Variants in TTC19 observed in about 807,000 individuals in gnomAD.
The protein encoded by TTC19 is tetratricopeptide repeat domain 19.
Under a neutral mutation model 49.5 loss-of-function variants are expected in TTC19, and 38 were observed. The ratio of observed to expected loss-of-function variants is 0.77; its 90% CI spans 0.59 to 1.01. TTC19 has a LOEUF of 1.01. Among genes scored for constraint, TTC19 ranks in the 50% least tolerant of loss-of-function variants. TTC19 has a pLI of 0.00. For synonymous variants in TTC19, 204 were observed against 185.2 expected, an observed-to-expected ratio of 1.10 and a Z score of -0.83; for missense variants, 475 against 477.7, an observed-to-expected ratio of 0.99 and a Z score of 0.05.
In TTC19 at chr17:16,026,471, T is replaced by C. The variant is rs567636278; in HGVS notation, c.832-69T>C. On this transcript the variant is annotated intron_variant, in intron 8 of 9. Coordinates refer to ENST00000261647, the MANE Select transcript of TTC19 (RefSeq NM_017775.4). ...GAAATCTTATGTATTCAGAGTTGGA[T>C]GCACTCCACATTAAAGTTCTGTGAA... 2.4e-3 allele frequency: 3,366 copies of C among 1,407,972 alleles called. 6 individuals are homozygous for C. The highest frequency in any genetic ancestry group is 2.6e-3 in the Non-Finnish European group (2,643 of 1,007,088). The allele number at this position is 1,407,972 out of a possible 1,614,324, so 87.2% of individuals were successfully genotyped here.
intron 4 of TTC19, among the ~76,000 whole-genome samples, chr17:16,003,350 A>G (rs1970798153): frequency 6.6e-6 from 1 of 152,132 alleles, no homozygotes; most frequent in South Asian, 2.1e-4. Context: ...TGCCAGGCTC[A>G]GTTGATCCTC....
intron 7 of TTC19, among the ~76,000 whole-genome samples, chr17:16,021,873 A>G (rs1971395107): frequency 6.6e-6 from 1 of 152,208 alleles, no homozygotes; most frequent in African/African-American, 2.4e-5. Flanking sequence ...GTGAGATTCC[A>G]GAATAGTTTT....
In TTC19 at chr17:16,026,766, T is replaced by C; in HGVS notation, c.994+64T>C. The stretch of plus-strand genomic sequence containing the variant: ...GAGGGATGTCACTGGATTGATAGAT[T>C]TGTGAAGTGGTATGTAGGGAGGGCA... On this transcript the variant is annotated intron_variant, in intron 9 of 9. Coordinates refer to ENST00000261647, the MANE Select transcript of TTC19 (RefSeq NM_017775.4). The C allele has an allele frequency of 2.5e-6, 4 of 1,573,464 alleles. No individual in the cohort carries two copies. In the South Asian group the frequency reaches 4.5e-5, roughly 18 times the overall value.
intron 7 of TTC19, among the ~76,000 whole-genome samples, chr17:16,019,092 AGAAGCCGG>A (rs1357919343): frequency 1.3e-5 from 2 of 152,056 alleles, no homozygotes; most frequent in African/African-American, 4.8e-5. Context: ...CAGCACTTTG[AGAAGCCGG>A]GACAGGTGGA....
At chr17:16,027,289 A>C in intron 9 of TTC19, 85 bp from the exon 10 acceptor site, 1 of 1,508,294 alleles carries the variant, frequency 6.6e-7, no homozygotes, top group Non-Finnish European at 9.2e-7. Context: ...AATTAGCCCT[A>C]TATCTGCATT....
At chr17:16,017,123 T>C (rs938290479) in intron 7 of TTC19, among the ~76,000 whole-genome samples, 4 of 152,206 alleles carry the variant, frequency 2.6e-5, no homozygotes, top group African/African-American at 9.7e-5. Context: ...CTATTTAAGG[T>C]ATTTGTTACG....
intron 7 of TTC19, among the ~76,000 whole-genome samples, chr17:16,006,894 A>G (rs1020964602): frequency 4.6e-5 from 7 of 152,196 alleles, no homozygotes; most frequent in African/African-American, 1.4e-4. Context: ...TCAGCTACCA[A>G]TCAAAATGCT....
chr17:16,010,167 ATTTTTTT>A (rs1201745186), intron 7 of TTC19, among the ~76,000 whole-genome samples: 7 of 108,212 alleles, frequency 6.5e-5, no homozygotes, highest in East Asian at 2.6e-4. Flanking sequence ...TTAATTTTTA[ATTTTTTT>A]TTTTTTTTTT....
chr17:16,016,173 G>A (rs553519652), intron 7 of TTC19, among the ~76,000 whole-genome samples: 2 of 152,238 alleles, frequency 1.3e-5, no homozygotes, highest in Admixed American at 1.3e-4. Context: ...ATAAGCTTTA[G>A]CTGCATCTCA....
intron 2 of TTC19, among the ~76,000 whole-genome samples, chr17:16,035,530 CTTTT>C (rs966987249): frequency 1.7e-5 from 2 of 118,328 alleles, no homozygotes; most frequent in Non-Finnish European, 3.6e-5. Context: ...TTCTCTTGTT[CTTTT>C]TTTTTTTTTT....
chr17:16,032,068 T>C (rs1972109562), downstream of TTC19: 3 of 495,466 alleles, frequency 6.1e-6, no homozygotes, highest in South Asian at 5.7e-5. Context: ...TCCACTATTA[T>C]TATAGTCCAC....
Position 16,000,100 on chromosome 17 carries a change from C to G in TTC19, c.185-18C>G. On this transcript the variant is annotated intron_variant, in intron 1 of 9. Coordinates refer to ENST00000261647, the MANE Select transcript of TTC19 (RefSeq NM_017775.4). Reference sequence around the variant, plus strand: ...GGGCGCGGGCCGGGCCCGATGACCTCAGAGCCCCTTCCCGCAGCGCTCGCC... The same window carrying G: ...GGGCGCGGGCCGGGCCCGATGACCTGAGAGCCCCTTCCCGCAGCGCTCGCC... The G allele has an allele frequency of 1.3e-6, 2 of 1,521,112 alleles. No individual in the cohort carries two copies. The highest frequency in any genetic ancestry group is 1.8e-6 in the Non-Finnish European group (2 of 1,140,600). 94.2% of individuals were successfully genotyped at this position (1,521,112 alleles called of 1,614,324 possible).
In TTC19 at chr17:16,028,840, A is replaced by AAAAAAAAAAAC; in HGVS notation, c.*1324_*1325insAAAACAAAAAA. 3 of 378,652 alleles carry AAAAAAAAAAAC rather than the reference A, an allele frequency of 7.9e-6. No homozygotes were observed. Among genetic ancestry groups the AAAAAAAAAAAC allele is most frequent in the Non-Finnish European group, 1.5e-5 (3 of 197,846 alleles). The allele number at this position is 378,652 out of a possible 1,614,324, so 23.5% of individuals were successfully genotyped here. On this transcript the variant is annotated 3_prime_UTR_variant, in exon 10 of 10. Transcript: ENST00000261647. Reference sequence around the variant, plus strand: ...TCTCAAAAAAAAAAAAAAAAAAAAAAAAAAAACTTTCTGAAGAAAATAAAA... The same window carrying AAAAAAAAAAAC: ...TCTCAAAAAAAAAAAAAAAAAAAAAAAAAAAAAAAACAAAAAACTTTCTGAAGAAAATAAAA...
At chr17:16,038,575 C>T (rs911169313) in intron 2 of TTC19, among the ~76,000 whole-genome samples, 11 of 151,836 alleles carry the variant, frequency 7.2e-5, no homozygotes, top group Non-Finnish European at 1.0e-4. Context: ...GTAACTGGGA[C>T]TACAGCGTGA....
At position 16,028,449 on chromosome 17, in the gene TTC19, C is replaced by CTA. The variant is rs1206058937; in HGVS notation, c.*928_*929dup. The CTA allele has an allele frequency of 2.2e-6, 1 of 453,932 alleles. No homozygotes were observed. Among genetic ancestry groups the CTA allele is most frequent in the Non-Finnish European group, 4.4e-6 (1 of 226,782 alleles). 28.1% of individuals were successfully genotyped at this position (453,932 alleles called of 1,614,324 possible). A position where few individuals can be genotyped will look rare whatever the true frequency, so the allele number is the denominator to read the frequency against. ...TTTTGCAATTTCAGTATCTTCATCT[C>CTA]TAAACTAGGGAAACACTGGGATTCT... On this transcript the variant is annotated 3_prime_UTR_variant, in exon 10 of 10. Transcript: ENST00000261647.
intron 7 of TTC19, among the ~76,000 whole-genome samples, chr17:16,013,128 C>G (rs1351606239): frequency 6.6e-6 from 1 of 152,062 alleles, no homozygotes; most frequent in Non-Finnish European, 1.5e-5. Context: ...AACTTGAGCC[C>G]AAGAGGTCGA....
intron 2 of TTC19, among the ~76,000 whole-genome samples, chr17:16,043,355 G>C (rs1208928869): frequency 3.3e-5 from 5 of 152,112 alleles, no homozygotes; most frequent in Non-Finnish European, 7.4e-5. Context: ...GGAGCCCACT[G>C]GTTCTTTAAT....
rs1412372946 is a variant in TTC19 at position 16,028,491 on chromosome 17, A to C, written c.*969A>C. ...TGGGATTCTTTCTTAGCTGTGGGGG[A>C]AGGTATTTGGTTAGATGACTTTGAA... is the stretch of plus-strand genomic sequence containing the variant. On this transcript the variant is annotated 3_prime_UTR_variant, in exon 10 of 10. Transcript: ENST00000261647. 2.2e-6 allele frequency: 1 copy of C among 453,816 alleles called. No individual in the cohort carries two copies. The highest frequency in any genetic ancestry group is 4.4e-6 in the Non-Finnish European group (1 of 226,764). 28.1% of individuals were successfully genotyped at this position (453,816 alleles called of 1,614,324 possible).
intron 7 of TTC19, among the ~76,000 whole-genome samples, chr17:16,019,499 G>C (rs931174881): frequency 6.6e-6 from 1 of 152,194 alleles, no homozygotes; most frequent in African/African-American, 2.4e-5. Context: ...CAGAGGCCCT[G>C]TTTGCTTGCC....
Sources: allele counts gnomAD v4.1 joint callset (sites outside exome capture counted in the v4.1 genomes callset), GRCh38; gene constraint gnomAD v4.1.1; transcripts MANE v1.5; gene names NCBI Gene and HGNC (gene_info 2026-07-23, HGNC 2026-07-21).